GRID1: variants seen among roughly 807,000 people sequenced by gnomAD.
GRID1 encodes the protein glutamate ionotropic receptor delta type subunit 1.
In GRID1, 28 loss-of-function variants were observed where a neutral mutation model predicts 98.0. That is an observed-to-expected ratio of 0.29 (90% CI 0.21 to 0.39). GRID1 has a LOEUF of 0.39. Among genes scored for constraint, GRID1 ranks in the 10% least tolerant of loss-of-function variants. The pLI is 1.00. For synonymous variants in GRID1, 553 were observed against 538.5 expected (o/e 1.03, Z -0.37); for missense variants, 1,111 against 1,340.5 (o/e 0.83, Z 2.67).
At chr10:85,947,416 G>A (rs1248060655) in intron 4 of GRID1, among the ~76,000 whole-genome samples, 6 of 152,124 alleles carry the variant, frequency 3.9e-5, no homozygotes, top group South Asian at 2.1e-4. Flanking sequence ...GATAACTTTC[G>A]TATCTCAGAT....
At chr10:86,364,950 C>A (rs1848653868) in intron 1 of GRID1, among the ~76,000 whole-genome samples, 1 of 152,206 alleles carries the variant, frequency 6.6e-6, no homozygotes, top group Non-Finnish European at 1.5e-5. Flanking sequence ...ATCAGTGCGA[C>A]CAGCCCGAGC....
intron 2 of GRID1, among the ~76,000 whole-genome samples, chr10:86,338,972 C>T (rs1345842355): frequency 6.6e-6 from 1 of 152,168 alleles, no homozygotes; most frequent in African/African-American, 2.4e-5. Context: ...CAGAGAGCTT[C>T]AGTAAGTTGC....
chr10:86,082,200 A>T (rs1290913087), intron 4 of GRID1, among the ~76,000 whole-genome samples: 1 of 152,260 alleles, frequency 6.6e-6, no homozygotes, highest in East Asian at 1.9e-4. Flanking sequence ...GAAAAATAAT[A>T]GCAAGACGTA....
At chr10:85,936,939 C>T (rs1841934752) in intron 4 of GRID1, among the ~76,000 whole-genome samples, 1 of 152,096 alleles carries the variant, frequency 6.6e-6, no homozygotes, top group Non-Finnish European at 1.5e-5. Context: ...TAAAATAATG[C>T]TTTTGTTTCC....
chr10:86,244,115 G>A (rs2132044088), intron 2 of GRID1, among the ~76,000 whole-genome samples: 1 of 152,336 alleles, frequency 6.6e-6, no homozygotes, highest in African/African-American at 2.4e-5. Context: ...CATAATCAGG[G>A]TGAGGGCTGA....
chr10:85,634,040 G>T (rs548524902), intron 13 of GRID1, among the ~76,000 whole-genome samples: 2 of 151,976 alleles, frequency 1.3e-5, no homozygotes, highest in African/African-American at 4.8e-5. Context: ...GCGTGGTGGT[G>T]CATGCCTATA....
In GRID1 at chr10:86,078,083, C is replaced by T. The variant is rs555124113; in HGVS notation, c.726+60736G>A. Among the ~76,000 whole-genome samples the T allele has an allele frequency of 4.6e-5, 7 of 152,356 alleles. No homozygotes were observed. The South Asian group carries it at 6.2e-4, about 14-fold the overall frequency. ...TAGAGGGAACTGGCAGTGCCAGGGC[C>T]GGCACTCATGCCTCCCTTGGCAGGC... is the stretch of plus-strand genomic sequence containing the variant. On this transcript the variant is annotated intron_variant, in intron 4 of 15. Coordinates refer to ENST00000327946, the MANE Select transcript of GRID1 (RefSeq NM_017551.3).
chr10:86,053,866 A>C (rs1193591009), intron 4 of GRID1, among the ~76,000 whole-genome samples: 2 of 152,198 alleles, frequency 1.3e-5, no homozygotes, highest in Non-Finnish European at 2.9e-5. Context: ...GTGCATAAGC[A>C]CATGCTCACA....
intron 4 of GRID1, among the ~76,000 whole-genome samples, chr10:86,075,173 T>C (rs9420381): frequency 0.074 from 10,823 of 145,758 alleles, 491 homozygotes; most frequent in Non-Finnish European, 0.11. Flanking sequence ...ATGAGTTGAA[T>C]TGTGTCCCCT....
chr10:86,180,656 C>T (rs1845642691), intron 3 of GRID1, among the ~76,000 whole-genome samples: 1 of 152,164 alleles, frequency 6.6e-6, no homozygotes, highest in Non-Finnish European at 1.5e-5. Context: ...CCAAAAGCTG[C>T]TCCACAAAAG....
At chr10:85,671,454 T>C (rs1453766790) in intron 12 of GRID1, among the ~76,000 whole-genome samples, 2 of 152,182 alleles carry the variant, frequency 1.3e-5, no homozygotes, top group East Asian at 1.9e-4. Context: ...TTGTGATTCT[T>C]TGGGGGCCAC....
chr10:85,962,101 G>C (rs1842275772), intron 4 of GRID1, among the ~76,000 whole-genome samples: 1 of 152,206 alleles, frequency 6.6e-6, no homozygotes, highest in Non-Finnish European at 1.5e-5. Flanking sequence ...GAGGTCTATG[G>C]CTTGGGCCAC....
intron 2 of GRID1, among the ~76,000 whole-genome samples, chr10:86,215,832 G>C (rs1291940649): frequency 1.3e-5 from 2 of 152,072 alleles, no homozygotes; most frequent in Non-Finnish European, 2.9e-5. Flanking sequence ...TCAGTGACAA[G>C]CACGCCCTTG....
At chr10:86,067,670 C>T (rs1843740176) in intron 4 of GRID1, among the ~76,000 whole-genome samples, 2 of 152,336 alleles carry the variant, frequency 1.3e-5, no homozygotes, top group African/African-American at 4.8e-5. Context: ...CCCCTGAGAA[C>T]TGCAAAGGCC....
At chr10:86,136,707 G>A (rs946587459) in intron 4 of GRID1, among the ~76,000 whole-genome samples, 5 of 152,158 alleles carry the variant, frequency 3.3e-5, no homozygotes, top group African/African-American at 9.7e-5. Flanking sequence ...TGAAGACTAC[G>A]GTGGGAGCTG....
intron 4 of GRID1, among the ~76,000 whole-genome samples, chr10:86,022,436 A>C (rs1843062117): frequency 6.6e-6 from 1 of 152,134 alleles, no homozygotes; most frequent in Non-Finnish European, 1.5e-5. Context: ...CCACAGGGTG[A>C]GGCCAGGGAG....
chr10:85,724,264 T>C (rs1841735659), intron 11 of GRID1, 88 bp downstream of exon 11: 1 of 985,960 alleles, frequency 1.0e-6, no homozygotes, highest in Non-Finnish European at 1.5e-6. Context: ...TGGAATGACT[T>C]TGGTAAAATG....
intron 2 of GRID1, among the ~76,000 whole-genome samples, chr10:86,295,880 A>C (rs1366938731): frequency 6.6e-6 from 1 of 152,212 alleles, no homozygotes; most frequent in Non-Finnish European, 1.5e-5. Context: ...TCTAGAAAGC[A>C]CCTGCTCACC....
intron 12 of GRID1, among the ~76,000 whole-genome samples, chr10:85,667,964 A>G (rs1841042114): frequency 6.6e-6 from 1 of 152,204 alleles, no homozygotes; most frequent in African/African-American, 2.4e-5. Flanking sequence ...CCTAAGCCCT[A>G]GGCAAAGGCC....
Sources: allele counts gnomAD v4.1 joint callset (sites outside exome capture counted in the v4.1 genomes callset), GRCh38; gene constraint gnomAD v4.1.1; transcripts MANE v1.5; gene names NCBI Gene and HGNC (gene_info 2026-07-23, HGNC 2026-07-21).